FGF12: variants seen among roughly 807,000 people sequenced by gnomAD.
The protein encoded by FGF12 is fibroblast growth factor 12, also known as fibroblast growth factor 12B.
In FGF12, 14 loss-of-function variants were observed where a neutral mutation model predicts 23.6. The observed-to-expected ratio is 0.59, with a 90% confidence interval of 0.39 to 0.93. The LOEUF (loss-of-function observed/expected upper bound fraction) is 0.93. FGF12 is among the 40% of genes least tolerant of loss of function. The pLI, the probability that FGF12 is intolerant of heterozygous loss-of-function variation, is 0.00. For missense variants in FGF12, 175 were observed against 217.8 expected (o/e 0.80, Z 1.24); for synonymous variants, 62 against 77.3 (o/e 0.80, Z 1.04).
intron 2 of FGF12, among the ~76,000 whole-genome samples, chr3:192,407,606 T>C (rs1289292362): frequency 1.3e-5 from 2 of 152,102 alleles, no homozygotes; most frequent in Non-Finnish European, 2.9e-5. Context: ...AATCTTTAGG[T>C]CCTCAGTGGG....
intron 2 of FGF12, among the ~76,000 whole-genome samples, chr3:192,523,446 T>C (rs1724870229): frequency 6.6e-6 from 1 of 152,170 alleles, no homozygotes; most frequent in South Asian, 2.1e-4. Flanking sequence ...TTGGGAAAAA[T>C]AGTTACTTCC....
intron 2 of FGF12, among the ~76,000 whole-genome samples, chr3:192,674,758 T>G (rs1357958748): frequency 6.6e-6 from 1 of 152,210 alleles, no homozygotes; most frequent in African/African-American, 2.4e-5. Flanking sequence ...AAGACTTTAA[T>G]GGAGAAATGC....
At chr3:192,391,729 G>A (rs1042121345) in intron 2 of FGF12, among the ~76,000 whole-genome samples, 2 of 152,146 alleles carry the variant, frequency 1.3e-5, no homozygotes, top group Admixed American at 1.3e-4. Flanking sequence ...ATTTAGGATA[G>A]GTAAGTTTGG....
intron 4 of FGF12, among the ~76,000 whole-genome samples, chr3:192,182,307 G>C (rs929664312): frequency 2.6e-5 from 4 of 151,746 alleles, no homozygotes; most frequent in Non-Finnish European, 5.9e-5. Context: ...GAAAAATTCT[G>C]GGTCAAGTAC....
intron 4 of FGF12, among the ~76,000 whole-genome samples, chr3:192,241,936 C>A (rs994020): frequency 6.6e-6 from 1 of 151,872 alleles, no homozygotes; most frequent in Non-Finnish European, 1.5e-5. Flanking sequence ...AAAAAGAGAT[C>A]AAGACCAAAA....
At chr3:192,246,586 G>A (rs1380998038) in intron 4 of FGF12, among the ~76,000 whole-genome samples, 2 of 152,098 alleles carry the variant, frequency 1.3e-5, no homozygotes, top group African/African-American at 4.8e-5. Context: ...AACTTTGGGA[G>A]ACCGAGGTGG....
At chr3:192,260,089 C>A (rs547174627) in intron 4 of FGF12, among the ~76,000 whole-genome samples, 1 of 152,100 alleles carries the variant, frequency 6.6e-6, no homozygotes, top group Non-Finnish European at 1.5e-5. Context: ...AGCATCTCTA[C>A]GATAATATCA....
At chr3:192,314,794 G>A (rs1357582280) in intron 4 of FGF12, among the ~76,000 whole-genome samples, 1 of 152,084 alleles carries the variant, frequency 6.6e-6, no homozygotes, top group Non-Finnish European at 1.5e-5. Flanking sequence ...TTCTTAGTGA[G>A]GTTTTGTGCA....
intron 2 of FGF12, among the ~76,000 whole-genome samples, chr3:192,653,776 G>A (rs985842981): frequency 3.4e-5 from 5 of 147,088 alleles, no homozygotes; most frequent in Non-Finnish European, 7.4e-5. Flanking sequence ...GTGCAGTGGC[G>A]CTATCTCAGC....
intron 4 of FGF12, among the ~76,000 whole-genome samples, chr3:192,255,173 G>T (rs1712305692): frequency 6.6e-6 from 1 of 151,950 alleles, no homozygotes; most frequent in African/African-American, 2.4e-5. Context: ...GCTACAGGAA[G>T]GATTAATAGA....
At chr3:192,574,500 C>T (rs943570709) in intron 2 of FGF12, among the ~76,000 whole-genome samples, 1 of 152,166 alleles carries the variant, frequency 6.6e-6, no homozygotes, top group Non-Finnish European at 1.5e-5. Context: ...TAGCACTGCA[C>T]AATTGGATAG....
At chr3:192,201,745 T>G (rs1717378364) in intron 4 of FGF12, among the ~76,000 whole-genome samples, 1 of 152,234 alleles carries the variant, frequency 6.6e-6, no homozygotes, top group Non-Finnish European at 1.5e-5. Flanking sequence ...ATTAGCTTAT[T>G]GAAGTCATTA....
intron 2 of FGF12, among the ~76,000 whole-genome samples, chr3:192,455,349 T>C (rs1359591716): frequency 6.6e-6 from 1 of 152,210 alleles, no homozygotes; most frequent in African/African-American, 2.4e-5. Flanking sequence ...ATTGAAACTC[T>C]TGATCAGGAA....
intron 4 of FGF12, among the ~76,000 whole-genome samples, chr3:192,319,684 G>A (rs1398604715): frequency 6.6e-6 from 1 of 152,064 alleles, no homozygotes; most frequent in African/African-American, 2.4e-5. Flanking sequence ...AACAGAAAAA[G>A]TTTAAAGGCA....
intron 2 of FGF12, among the ~76,000 whole-genome samples, chr3:192,480,163 T>C (rs576165932): frequency 6.6e-6 from 1 of 152,188 alleles, no homozygotes; most frequent in African/African-American, 2.4e-5. Flanking sequence ...TAACGACAAC[T>C]GAAACAATTT....
intron 2 of FGF12, among the ~76,000 whole-genome samples, chr3:192,604,622 T>C (rs2701599): frequency 0.76 from 115,155 of 152,092 alleles, 43,887 homozygotes; most frequent in East Asian, 0.97. Context: ...GTTAAAATGG[T>C]CATTCTGCCC....
At chr3:192,622,740 A>G (rs921647182) in intron 2 of FGF12, among the ~76,000 whole-genome samples, 5 of 152,162 alleles carry the variant, frequency 3.3e-5, no homozygotes, top group African/African-American at 9.7e-5. Context: ...AAATAAACAG[A>G]TTTCTCACTT....
intron 2 of FGF12, among the ~76,000 whole-genome samples, chr3:192,580,739 C>T (rs1487325059): frequency 6.6e-6 from 1 of 152,172 alleles, no homozygotes; most frequent in Non-Finnish European, 1.5e-5. Flanking sequence ...TCCTGAGTAG[C>T]TGGGATTACA....
intron 2 of FGF12, among the ~76,000 whole-genome samples, chr3:192,585,896 C>T (rs1012152082): frequency 6.6e-6 from 1 of 152,096 alleles, no homozygotes; most frequent in African/African-American, 2.4e-5. Context: ...TAGTTGAAAT[C>T]TAGCAACATA....
Sources: allele counts gnomAD v4.1 joint callset (sites outside exome capture counted in the v4.1 genomes callset), GRCh38; gene constraint gnomAD v4.1.1; transcripts MANE v1.5; gene names NCBI Gene and HGNC (gene_info 2026-07-23, HGNC 2026-07-21).